Variants in SIGLEC1 observed in about 807,000 individuals in gnomAD.
SIGLEC1 encodes sialic acid binding Ig like lectin 1.
SIGLEC1 carries 132 observed loss-of-function variants against 148.0 expected under a neutral mutation model. The ratio of observed to expected loss-of-function variants is 0.89; its 90% CI spans 0.77 to 1.03. SIGLEC1 has a LOEUF of 1.03. Among genes scored for constraint, SIGLEC1 ranks in the 50% least tolerant of loss-of-function variants. The pLI is 0.00. For synonymous variants in SIGLEC1, 945 were observed against 969.0 expected, an observed-to-expected ratio of 0.98 and a Z score of 0.46; for missense variants, 2,253 against 2,271.4, an observed-to-expected ratio of 0.99 and a Z score of 0.16.
chr20:3,691,447 G>A lies in SIGLEC1; in HGVS notation c.4484C>T (p.Thr1495Ile), dbSNP rs1451573107. Residue 1495 changes from threonine to isoleucine, a missense_variant, in exon 18 of 22, where the codon ACT (threonine) becomes ATT (isoleucine). Transcript: ENST00000344754. ...ACGAGCCACGTGGGTGAAGGCGAGA[G>A]TGGGCACAGGCTCCGCGTGCAGCCG... ...DRRLHAEPVP[T>I]LAFTHVARAQ... is the part of the protein sequence containing the mutation. The A allele has an allele frequency of 2.5e-6, 4 of 1,613,168 alleles. No individual in the cohort carries two copies. Among genetic ancestry groups the A allele is most frequent in the Non-Finnish European group, 8.5e-7 (1 of 1,179,994 alleles).
At position 3,692,590 on chromosome 20, in the gene SIGLEC1, C is replaced by T. The variant is rs147714278; in HGVS notation, c.3961G>A (p.Ala1321Thr). The T allele has an allele frequency of 6.3e-5, 102 of 1,611,846 alleles. No individual in the cohort carries two copies. The African/African-American group carries it at 1.0e-3, about 16-fold the overall frequency. The change falls in exon 16 of 22, where the codon GCC becomes ACC. Residue 1321 changes from alanine to threonine, a missense_variant. Coordinates refer to ENST00000344754, the MANE Select transcript of SIGLEC1 (RefSeq NM_023068.4). Reference sequence around the variant, plus strand: ...GCATCCTGGGCCTGGCAAGAGTAGGCGCCTGCATGAGCCCGCGTGGCCACC... The same window carrying T: ...GCATCCTGGGCCTGGCAAGAGTAGGTGCCTGCATGAGCCCGCGTGGCCACC... Reference protein sequence around the residue: ...FLVATRAHAGAYSCQAQDAQG... With the variant: ...FLVATRAHAGTYSCQAQDAQG...
At chr20:3,688,891 G>A (rs1171766185) in intron 21 of SIGLEC1, 1 of 597,828 alleles carries the variant, frequency 1.7e-6, no homozygotes, top group South Asian at 2.0e-5. Context: ...GAACATACGT[G>A]TCTTGGAAAT....
At chr20:3,711,482 C>T (rs192449591) in intron 1 of SIGLEC1, among the ~76,000 whole-genome samples, 68 of 152,232 alleles carry the variant, frequency 4.5e-4, no homozygotes, top group Admixed American at 2.6e-3. Flanking sequence ...CAGCTAGGCC[C>T]GGGTGTAGGA....
chr20:3,696,399 G>T (rs189215130), intron 11 of SIGLEC1, among the ~76,000 whole-genome samples, 187 bp downstream of exon 11: 2 of 152,218 alleles, frequency 1.3e-5, no homozygotes, highest in Non-Finnish European at 2.9e-5. Context: ...AGTGGCTGCT[G>T]CAGTTATTAC....
chr20:3,700,697 C>CTTTTTTTTTTTT (rs71195856), intron 7 of SIGLEC1, among the ~76,000 whole-genome samples: 5 of 119,882 alleles, frequency 4.2e-5, no homozygotes, highest in Non-Finnish European at 6.8e-5. Flanking sequence ...TTTTCTTTTT[C>CTTTTTTTTTTTT]TTTTTTTTTT....
chr20:3,692,814 C>A (rs1225907851), intron 15 of SIGLEC1, 42 bp from the exon 16 acceptor site: 2 of 1,601,092 alleles, frequency 1.2e-6, no homozygotes, highest in East Asian at 2.2e-5. Context: ...CAGCCGGACA[C>A]CACAGTGGGC....
Position 3,688,585 on chromosome 20 carries a change from G to A in SIGLEC1, c.5105C>T (p.Ser1702Leu). The A allele has an allele frequency of 1.2e-6, 2 of 1,603,210 alleles. No homozygotes were observed. ...TCAGCCCAGGGGTGGGGCACAGGTT[G>A]AGGTCTCACATGTGGCTGCATCAGG... ...IDPDAATCET[S>L]TCAPPLG Residue 1702 changes from serine (S) to leucine (L), a missense_variant, in exon 22 of 22, where the codon TCA (serine) becomes TTA (leucine). Physicochemically the swap from Ser to Leu is moderately radical, Grantham distance 145 (BLOSUM62 -2). Coordinates refer to ENST00000344754, the MANE Select transcript of SIGLEC1 (RefSeq NM_023068.4).
At chr20:3,696,120 C>CTACA (rs11471450) in intron 11 of SIGLEC1, among the ~76,000 whole-genome samples, 158 of 106,062 alleles carry the variant, frequency 1.5e-3, no homozygotes, top group Middle Eastern at 4.2e-3. Context: ...TTTATAGAGA[C>CTACA]TATATATATA....
Position 3,696,888 on chromosome 20 carries a change from T to A in SIGLEC1, c.2381A>T (p.Tyr794Phe). ...LSTPVLLSVLYPPDRPKLSAL... is the reference protein window; with the variant it reads ...LSTPVLLSVLFPPDRPKLSAL... The stretch of plus-strand genomic sequence containing the variant: ...TGACAGCTTTGGACGGTCCGGGGGA[T>A]CTGCAGGAACAGAGGGAGCTGAGGC... Residue 794 changes from tyrosine (Y) to phenylalanine (F), a missense_variant and splice_region_variant, in exon 11 of 22, where the codon TAT (tyrosine) becomes TTT (phenylalanine). Tyr to Phe is a conservative substitution (Grantham distance 22). Transcript: ENST00000344754. The A allele has an allele frequency of 1.3e-6, 2 of 1,547,336 alleles. No homozygotes were observed. The highest frequency in any genetic ancestry group is 1.7e-6 in the Non-Finnish European group (2 of 1,148,786).
rs754907010 is a variant in SIGLEC1, at chr20:3,694,486, A to G, written c.2991T>C (p.Pro997=). Residue 997 remains proline, a synonymous_variant, in exon 13 of 22, where the codon CCT becomes CCC. Transcript: ENST00000344754. The part of the protein sequence containing the change: ...VTLTTLMDTG[P]GRLGLLLCRV... The stretch of plus-strand genomic sequence containing the variant: ...GGCACAGGAGGAGGCCCAGTCGTCC[A>G]GGGCCTGTGTCCATCAGGGTAGTGA... The G allele has an allele frequency of 6.9e-6, 11 of 1,590,824 alleles. No individual in the cohort carries two copies. The highest frequency in any genetic ancestry group is 9.4e-6 in the Non-Finnish European group (11 of 1,166,332).
In SIGLEC1 at chr20:3,690,207, C is replaced by A; in HGVS notation, c.4649G>T (p.Gly1550Val). Residue 1550 changes from glycine to valine, a missense_variant, in exon 19 of 22, where the codon GGC (glycine) becomes GTC (valine). By Grantham distance (109) the Gly-to-Val change is moderately radical (BLOSUM62 -3). Coordinates refer to ENST00000344754, the MANE Select transcript of SIGLEC1 (RefSeq NM_023068.4). ...VFVEPEGGLR[G>V]ILDCRVDSEP... ...GCTGTCCACTCGGCAATCCAGGATG[C>A]CCCGGAGGCCACCCTCAGGCTCCAC... 2 of 1,557,570 alleles carry A rather than the reference C, an allele frequency of 1.3e-6. No individual in the cohort carries two copies. The highest frequency in any genetic ancestry group is 1.7e-6 in the Non-Finnish European group (2 of 1,151,290).
chr20:3,692,972 G>T lies in SIGLEC1; in HGVS notation c.3668C>A (p.Thr1223Asn). 2 of 1,612,610 alleles carry T rather than the reference G, an allele frequency of 1.2e-6. No individual in the cohort carries two copies. The highest frequency in any genetic ancestry group is 1.7e-6 in the Non-Finnish European group (2 of 1,179,886). The change falls in exon 15 of 22, where the codon ACC becomes AAC. Residue 1223 changes from threonine (T) to asparagine (N), a missense_variant. Coordinates refer to ENST00000344754, the MANE Select transcript of SIGLEC1 (RefSeq NM_023068.4). ...ASSTAASVPNTLRLELRGPQP... is the reference protein window; with the variant it reads ...ASSTAASVPNNLRLELRGPQP... The stretch of plus-strand genomic sequence containing the variant: ...TGGCCCTCGCAGCTCCAGGCGCAGG[G>T]TGTTGGGGACAGAGGCTGCTGTCGA...
chr20:3,693,216 G>A, intron 14 of SIGLEC1, 85 bp from the exon 15 acceptor site: 1 of 1,433,630 alleles, frequency 7.0e-7, no homozygotes, highest in African/African-American at 1.4e-5. Flanking sequence ...ACTCAGGAGG[G>A]CCCTGGCTCC....
intron 17 of SIGLEC1, 126 bp downstream of exon 17, chr20:3,691,777 G>A (rs777740238): frequency 2.9e-6 from 4 of 1,356,086 alleles, no homozygotes; most frequent in African/African-American, 2.9e-5. Context: ...CCCTCCACCA[G>A]ATTAGGCTTC....
intron 21 of SIGLEC1, 132 bp downstream of exon 21, chr20:3,689,023 G>A: frequency 1.3e-6 from 1 of 795,114 alleles, no homozygotes; most frequent in Admixed American, 1.8e-5. Context: ...GGGGCTCCTG[G>A]TTCCCTGCAC....
At position 3,699,816 on chromosome 20, in the gene SIGLEC1, A is replaced by ATT. The variant is rs11444782; in HGVS notation, c.1529-359_1529-358dup. 1.8e-3 allele frequency among the ~76,000 whole-genome samples: 262 copies of ATT among 149,398 alleles called. 7 individuals carry two copies. The South Asian group carries it at 0.041, about 24-fold the overall frequency. On this transcript the variant is annotated intron_variant, in intron 7 of 21. Coordinates refer to ENST00000344754, the MANE Select transcript of SIGLEC1 (RefSeq NM_023068.4). ...ACATAGTGAGACTCCATCTCAAACA[A>ATT]TTTTTTTTTTTTGAGACTGAGTCTC...
intron 17 of SIGLEC1, 115 bp downstream of exon 17, chr20:3,691,788 T>C: frequency 1.4e-6 from 2 of 1,395,252 alleles, no homozygotes; most frequent in Non-Finnish European, 1.9e-6. Context: ...ATTAGGCTTC[T>C]CAAGGCAGAG....
intron 18 of SIGLEC1, 121 bp from the exon 19 acceptor site, chr20:3,690,385 C>T: frequency 3.8e-6 from 3 of 791,638 alleles, no homozygotes; most frequent in Non-Finnish European, 5.9e-6. Context: ...TTTCCTCACT[C>T]CTTGAATCTG....
intron 19 of SIGLEC1, 103 bp downstream of exon 19, chr20:3,689,859 C>T (rs992508869): frequency 4.1e-6 from 5 of 1,210,268 alleles, no homozygotes; most frequent in African/African-American, 1.5e-5. Flanking sequence ...AGTCGACAGG[C>T]AAATCATGCT....
Sources: allele counts gnomAD v4.1 joint callset (sites outside exome capture counted in the v4.1 genomes callset), GRCh38; gene constraint gnomAD v4.1.1; transcripts MANE v1.5; gene names NCBI Gene and HGNC (gene_info 2026-07-23, HGNC 2026-07-21).